Variants in HPF1 observed in about 807,000 individuals in gnomAD.
HPF1 encodes the protein histone PARylation factor 1.
In HPF1, 35 loss-of-function variants were observed where a neutral mutation model predicts 38.8. That is an observed-to-expected ratio of 0.90 (90% confidence interval 0.69 to 1.19). The LOEUF is 1.19. Ranked by LOEUF, HPF1 falls within the 50% of genes most tolerant of loss-of-function variation. The probability of loss-of-function intolerance (pLI) is 0.00; values close to 1 mark genes in which losing one functional copy is unlikely to be tolerated. For missense variants in HPF1, 367 were observed against 405.8 expected, an observed-to-expected ratio of 0.90 and a Z score of 0.82; for synonymous variants, 115 against 139.2, an observed-to-expected ratio of 0.83 and a Z score of 1.22.
intron 4 of HPF1, among the ~76,000 whole-genome samples, chr4:169,747,209 A>G (rs1485445795): frequency 1.3e-5 from 2 of 151,518 alleles, no homozygotes; most frequent in African/African-American, 2.4e-5. Flanking sequence ...ACAATAAGCA[A>G]GAAAACAACA....
At chr4:169,748,620 C>T in intron 4 of HPF1, 124 bp downstream of exon 4, 1 of 513,216 alleles carries the variant, frequency 1.9e-6, no homozygotes, top group Non-Finnish European at 3.5e-6. Context: ...GATCTGCCCA[C>T]CTCGGCCTCC....
chr4:169,741,212 G>A (rs1409212839), intron 5 of HPF1, among the ~76,000 whole-genome samples: 1 of 152,206 alleles, frequency 6.6e-6, no homozygotes, highest in Non-Finnish European at 1.5e-5. Context: ...TTCATTACCA[G>A]TGCTAGTTTA....
At chr4:169,737,579 C>T (rs535193130) in intron 6 of HPF1, 81 bp downstream of exon 6, 36 of 880,468 alleles carry the variant, frequency 4.1e-5, no homozygotes, top group African/African-American at 3.8e-4. Context: ...GGTATATAGA[C>T]ATACCTACTT....
intron 2 of HPF1, among the ~76,000 whole-genome samples, chr4:169,752,176 T>TC (rs1401329874): frequency 6.9e-6 from 1 of 145,884 alleles, no homozygotes; most frequent in East Asian, 2.0e-4. Context: ...GACTTTTTTT[T>TC]TTTTTTTTTT....
At chr4:169,732,141 T>TTC in intron 6 of HPF1, 1 of 200,406 alleles carries the variant, frequency 5.0e-6, no homozygotes, top group African/African-American at 2.4e-5. Context: ...GTCACGATTT[T>TTC]TTTTTTTTTT....
At chr4:169,755,297 G>C (rs184555188) in intron 1 of HPF1, among the ~76,000 whole-genome samples, 168 of 152,184 alleles carry the variant, frequency 1.1e-3, no homozygotes, top group African/African-American at 3.9e-3. Context: ...TGAGCAACAA[G>C]GGTTTGAATT....
chr4:169,746,874 C>A (rs1444797777), intron 4 of HPF1, among the ~76,000 whole-genome samples: 1 of 147,474 alleles, frequency 6.8e-6, no homozygotes, highest in Non-Finnish European at 1.5e-5. Context: ...ATAAATATCA[C>A]CCATGCATTT....
At position 169,729,603 on chromosome 4, in the gene HPF1, T is replaced by C; in HGVS notation, c.1016A>G (p.Glu339Gly). 6.3e-7 allele frequency: 1 copy of C among 1,585,422 alleles called. No individual in the cohort carries two copies. The highest frequency in any genetic ancestry group is 8.6e-7 in the Non-Finnish European group (1 of 1,167,038). ...IEEHLANRSQ[E>G]NIDQLAA ...TCATGCAGCAAGTTGGTCTATGTTC[T>C]CTTGACTTCTGTTTGCCAGATGCTC... Residue 339 changes from glutamate to glycine, a missense_variant, in exon 8 of 8, where the codon GAG (glutamate) becomes GGG (glycine). By Grantham distance (98) the Glu-to-Gly change is moderately conservative (BLOSUM62 -2). Coordinates refer to ENST00000393381, the MANE Select transcript of HPF1 (RefSeq NM_017867.3).
chr4:169,737,289 C>CAAAAAAAAAAAAAAAAA (rs35524684), intron 6 of HPF1, among the ~76,000 whole-genome samples: 1 of 108,508 alleles, frequency 9.2e-6, no homozygotes, highest in Non-Finnish European at 1.8e-5. Context: ...CACTCCGTCT[C>CAAAAAAAAAAAAAAAAA]AAAAAAAAAA....
intron 4 of HPF1, 41 bp downstream of exon 4, chr4:169,748,703 G>C: frequency 1.0e-6 from 1 of 967,918 alleles, no homozygotes; most frequent in Non-Finnish European, 1.6e-6. Context: ...GACTAATGTA[G>C]TATAAACATT....
chr4:169,733,191 T>C (rs1219312043), intron 6 of HPF1, among the ~76,000 whole-genome samples: 2 of 152,210 alleles, frequency 1.3e-5, no homozygotes, highest in African/African-American at 4.8e-5. Flanking sequence ...AAGCATGCGT[T>C]TGAGGTAAGA....
Position 169,737,681 on chromosome 4 carries a change from G to A in HPF1, c.715C>T (p.Arg239Ter), listed in dbSNP as rs771283606. Residue 239 changes from arginine (R) to a stop codon, truncating the protein, a stop_gained, in exon 6 of 8, where the codon CGA becomes TGA. Coordinates refer to ENST00000393381, the MANE Select transcript of HPF1 (RefSeq NM_017867.3). LOFTEE classifies it high-confidence loss of function. ...VPVDKNDVGY[R>*]ELPETDADLK... ...TTACCATCTGTTTCAGGGAGCTCTC[G>A]GTACCCAACATCATTTTTATCTACT... is the stretch of plus-strand genomic sequence containing the variant. 3.4e-5 allele frequency: 54 copies of A among 1,607,882 alleles called. No homozygotes were observed. The Middle Eastern group carries it at 5.0e-4, about 15-fold the overall frequency.
chr4:169,755,066 G>T (rs201505292), intron 1 of HPF1, among the ~76,000 whole-genome samples: 91,871 of 120,350 alleles, frequency 0.76, 32,814 homozygotes, highest in East Asian at 0.88. Flanking sequence ...CCCTCCCCCC[G>T]CCCCCTCATA....
chr4:169,746,745 C>T (rs1021392076), intron 4 of HPF1, among the ~76,000 whole-genome samples: 14 of 151,698 alleles, frequency 9.2e-5, no homozygotes, highest in South Asian at 2.1e-4. Flanking sequence ...AAACTAAAAC[C>T]GTTATAATAC....
In HPF1 at chr4:169,741,951, T is replaced by C; in HGVS notation, c.648+6A>G. On this transcript the variant is annotated splice_donor_region_variant and intron_variant, in intron 5 of 7. Transcript: ENST00000393381. ...CAAAACAGAGACCAACAGGTTGAAA[T>C]CATACTTTCTTATCTCTCTGTTTCA... 6.2e-7 allele frequency: 1 copy of C among 1,609,798 alleles called. No individual in the cohort carries two copies. Among genetic ancestry groups the C allele is most frequent in the Non-Finnish European group, 8.5e-7 (1 of 1,178,382 alleles).
intron 6 of HPF1, among the ~76,000 whole-genome samples, chr4:169,734,411 A>G (rs753962747): frequency 6.6e-6 from 1 of 152,202 alleles, no homozygotes; most frequent in Non-Finnish European, 1.5e-5. Flanking sequence ...GCTTTCCAGT[A>G]TCTTATTTTC....
chr4:169,746,115 T>G (rs748103561), intron 4 of HPF1, among the ~76,000 whole-genome samples: 2 of 152,210 alleles, frequency 1.3e-5, no homozygotes, highest in Non-Finnish European at 2.9e-5. Context: ...AATGGAATCA[T>G]TCTACACTAT....
intron 4 of HPF1, among the ~76,000 whole-genome samples, chr4:169,742,814 T>C (rs1480498961): frequency 6.6e-6 from 1 of 151,674 alleles, no homozygotes; most frequent in Non-Finnish European, 1.5e-5. Flanking sequence ...GTATATATTT[T>C]CAGGGACCAG....
intron 2 of HPF1, 85 bp downstream of exon 2, chr4:169,753,591 T>C (rs1734147030): frequency 8.6e-7 from 1 of 1,161,374 alleles, no homozygotes; most frequent in East Asian, 2.5e-5. Flanking sequence ...CAGCTGGGAT[T>C]ACAGAGTGTG....
Sources: allele counts gnomAD v4.1 joint callset (sites outside exome capture counted in the v4.1 genomes callset), GRCh38; gene constraint gnomAD v4.1.1; transcripts MANE v1.5; gene names NCBI Gene and HGNC (gene_info 2026-07-23, HGNC 2026-07-21).